The following ATP10A variants were observed in gnomAD, a reference collection of about 807,000 sequenced individuals.
The protein encoded by ATP10A is phospholipid-transporting ATPase VA.
ATP10A carries 111 observed loss-of-function variants against 147.8 expected under a neutral mutation model. The observed-to-expected ratio is 0.75, with a 90% CI of 0.64 to 0.88. The LOEUF (loss-of-function observed/expected upper bound fraction) is 0.88. Ranked by LOEUF, ATP10A falls within the 40% of genes least tolerant of loss-of-function variation. The pLI, the probability that ATP10A is intolerant of heterozygous loss-of-function variation, is 0.00. For synonymous variants in ATP10A, 875 were observed against 841.6 expected (o/e 1.04, Z -0.69); for missense variants, 1,927 against 1,959.0 (o/e 0.98, Z 0.31).
intron 1 of ATP10A, among the ~76,000 whole-genome samples, chr15:25,795,041 G>A (rs568852416): frequency 1.3e-5 from 2 of 152,332 alleles, no homozygotes; most frequent in East Asian, 3.9e-4. Context: ...AGGAAGTGCT[G>A]AGAAATGGGC....
At chr15:25,807,250 C>A (rs546014706) in intron 1 of ATP10A, among the ~76,000 whole-genome samples, 1 of 152,334 alleles carries the variant, frequency 6.6e-6, no homozygotes, top group East Asian at 1.9e-4. Flanking sequence ...GTCCTGAGCA[C>A]CCCACCCCAG....
intron 1 of ATP10A, among the ~76,000 whole-genome samples, chr15:25,804,868 G>A (rs1017288408): frequency 1.5e-4 from 23 of 152,140 alleles, no homozygotes; most frequent in African/African-American, 5.6e-4. Context: ...TCTTTTAGAA[G>A]TAAAAAATAA....
In ATP10A at chr15:25,683,419, T is replaced by G. The variant is rs79927670; in HGVS notation, c.3359A>C (p.Gln1120Pro). 4 of 1,613,864 alleles carry G rather than the reference T, an allele frequency of 2.5e-6. No individual in the cohort carries two copies. In the East Asian group the frequency reaches 8.9e-5, roughly 36 times the overall value. The change falls in exon 17 of 21, where the codon CAG becomes CCG. Residue 1120 changes from glutamine (Q) to proline (P), a missense_variant. Coordinates refer to ENST00000555815, the MANE Select transcript of ATP10A (RefSeq NM_024490.4). ...CGFSASTMID[Q>P]WYLIFFNLLF... is the part of the protein sequence containing the mutation. Reference sequence around the variant, plus strand: ...CAGATTAAAGAAGATTAGATACCACTGGTCAATCATGGTAGATGCAGAGAA... The same window carrying G: ...CAGATTAAAGAAGATTAGATACCACGGGTCAATCATGGTAGATGCAGAGAA...
rs114209109 is a variant in ATP10A at position 25,698,377 on chromosome 15, T to C, written c.2761-3231A>G. ...AAGGAAAGAGTCAGTGAAGATCCGC[T>C]TTCACTTAATGAATAGTAAATATAT... On this transcript the variant is annotated intron_variant, in intron 13 of 20. Coordinates refer to ENST00000555815, the MANE Select transcript of ATP10A (RefSeq NM_024490.4). Among the ~76,000 whole-genome samples the C allele has an allele frequency of 6.6e-3, 1,000 of 152,322 alleles. 17 individuals are homozygous for C. The highest frequency in any genetic ancestry group is 0.023 in the African/African-American group (948 of 41,564).
At chr15:25,815,078 T>C (rs1036790329) in intron 1 of ATP10A, among the ~76,000 whole-genome samples, 9 of 152,258 alleles carry the variant, frequency 5.9e-5, no homozygotes, top group Admixed American at 2.0e-4. Context: ...TAAAATCAAC[T>C]TGATTAGATG....
intron 10 of ATP10A, among the ~76,000 whole-genome samples, chr15:25,711,472 G>A (rs1901416362): frequency 6.6e-6 from 1 of 152,070 alleles, no homozygotes; most frequent in Non-Finnish European, 1.5e-5. Context: ...ACTTCGAGGG[G>A]ACTCCAGGGC....
At chr15:25,690,177 T>C (rs1899941944) in intron 15 of ATP10A, among the ~76,000 whole-genome samples, 1 of 150,484 alleles carries the variant, frequency 6.6e-6, no homozygotes, top group Non-Finnish European at 1.5e-5. Context: ...CACAATGGAA[T>C]CTACATGTAT....
At chr15:25,792,678 A>G (rs1890485145) in intron 1 of ATP10A, among the ~76,000 whole-genome samples, 1 of 152,134 alleles carries the variant, frequency 6.6e-6, no homozygotes, top group African/African-American at 2.4e-5. Flanking sequence ...TAGAGCACGA[A>G]GCACGCACTG....
In ATP10A at chr15:25,832,727, G is replaced by T. The variant is rs1391851527; in HGVS notation, c.449+29921C>A. Among the ~76,000 whole-genome samples the T allele has an allele frequency of 2.0e-5, 3 of 152,132 alleles. No homozygotes were observed. The East Asian group carries it at 5.8e-4, about 29-fold the overall frequency. The stretch of plus-strand genomic sequence containing the variant: ...CTGGATACTAAACTACAGCTGGAGA[G>T]GAGGGATAAGTTGTGGCATTCCGCA... On this transcript the variant is annotated intron_variant, in intron 1 of 20. Coordinates refer to ENST00000555815, the MANE Select transcript of ATP10A (RefSeq NM_024490.4).
At chr15:25,680,373 A>T (rs1361090587) in intron 19 of ATP10A, 65 bp from the exon 20 acceptor site, 46 of 1,524,270 alleles carry the variant, frequency 3.0e-5, no homozygotes, top group Non-Finnish European at 4.2e-5. Context: ...TGACAATAAC[A>T]AAAACGTGCC....
At chr15:25,771,002 G>T (rs1439728683) in intron 2 of ATP10A, among the ~76,000 whole-genome samples, 1 of 152,192 alleles carries the variant, frequency 6.6e-6, no homozygotes, top group Non-Finnish European at 1.5e-5. Context: ...AGGTCGTTCA[G>T]GGGAGGGTGT....
At chr15:25,748,858 C>T (rs1265946285) in intron 2 of ATP10A, among the ~76,000 whole-genome samples, 6 of 151,120 alleles carry the variant, frequency 4.0e-5, no homozygotes, top group Admixed American at 3.9e-4. Flanking sequence ...AGTTCAAGAA[C>T]AGCCTGGCCA....
At chr15:25,690,479 A>C (rs1390507461) in intron 15 of ATP10A, among the ~76,000 whole-genome samples, 1 of 152,282 alleles carries the variant, frequency 6.6e-6, no homozygotes, top group African/African-American at 2.4e-5. Context: ...GCCTCTGGTG[A>C]TCCTCCTGTC....
intron 1 of ATP10A, among the ~76,000 whole-genome samples, chr15:25,800,938 C>T (rs1468840920): frequency 6.6e-6 from 1 of 152,146 alleles, no homozygotes; most frequent in East Asian, 1.9e-4. Context: ...TTGATGAACC[C>T]GCTGTACTAG....
In ATP10A at chr15:25,741,800, C is replaced by T. The variant is rs774692492; in HGVS notation, c.655-5659G>A. 3.3e-5 allele frequency among the ~76,000 whole-genome samples: 5 copies of T among 152,232 alleles called. No homozygotes were observed. The East Asian group carries it at 5.8e-4, about 18-fold the overall frequency. ...AACAGCAAAGTAGTCTGTTTTTGTC[C>T]ACCACGTGTCTCCTGACACATAGTG... On this transcript the variant is annotated intron_variant, in intron 2 of 20. Transcript: ENST00000555815.
chr15:25,861,820 T>C (rs1893772325), intron 1 of ATP10A: 1 of 157,076 alleles, frequency 6.4e-6, no homozygotes. Flanking sequence ...TCCAGGCTGC[T>C]GGACACAGCT....
chr15:25,708,605 G>A (rs1201962659), intron 10 of ATP10A: 2 of 313,806 alleles, frequency 6.4e-6, no homozygotes, highest in Admixed American at 9.6e-5. Context: ...ACAGATGTGA[G>A]CCACTGCGCC....
intron 1 of ATP10A, among the ~76,000 whole-genome samples, chr15:25,798,676 G>T (rs1403283349): frequency 6.6e-6 from 1 of 152,172 alleles, no homozygotes; most frequent in East Asian, 1.9e-4. Context: ...CACTGTGCCG[G>T]ACTCCCATCT....
intron 1 of ATP10A, among the ~76,000 whole-genome samples, chr15:25,853,401 C>T (rs1451611551): frequency 6.6e-6 from 1 of 152,178 alleles, no homozygotes; most frequent in Non-Finnish European, 1.5e-5. Context: ...TCAACCTTCC[C>T]AAAACGTGGG....
Sources: allele counts gnomAD v4.1 joint callset (sites outside exome capture counted in the v4.1 genomes callset), GRCh38; gene constraint gnomAD v4.1.1; transcripts MANE v1.5; gene names NCBI Gene and HGNC (gene_info 2026-07-23, HGNC 2026-07-21).